C9: variants seen among roughly 807,000 people sequenced by gnomAD.
C9 encodes complement component C9.
Under a neutral mutation model 65.4 loss-of-function variants are expected in C9, and 63 were observed. The ratio of observed to expected loss-of-function variants is 0.96; its 90% CI spans 0.79 to 1.19. The LOEUF is 1.19. C9 is among the 50% of genes most tolerant of loss of function. The pLI is 0.00. For missense variants in C9, 744 were observed against 670.1 expected (o/e 1.11, Z -1.22); for synonymous variants, 229 against 227.9 (o/e 1.00, Z -0.04).
intron 9 of C9, among the ~76,000 whole-genome samples, chr5:39,303,879 G>T (rs965147847): frequency 1.3e-5 from 2 of 152,102 alleles, no homozygotes; most frequent in Non-Finnish European, 2.9e-5. Context: ...AGTTTGCCTT[G>T]TGTTGAGACG....
rs1752966512 is a variant in C9 at position 39,285,066 on chromosome 5, GA to G, written c.*132del. 16 of 766,708 alleles carry G rather than the reference GA, an allele frequency of 2.1e-5. No homozygotes were observed. The highest frequency in any genetic ancestry group is 3.5e-5 in the Non-Finnish European group (15 of 430,728). 47.5% of individuals were successfully genotyped at this position (766,708 alleles called of 1,614,324 possible). ...AAAAAATTATAGACCTAAGAGAGAA[GA>G]GACTTCAGAGGTTGGTAGGATTTTC... is the stretch of plus-strand genomic sequence containing the variant. On this transcript the variant is annotated 3_prime_UTR_variant, in exon 11 of 11. Transcript: ENST00000263408.
intron 5 of C9, 109 bp downstream of exon 5, chr5:39,331,567 A>C: frequency 1.1e-6 from 1 of 931,792 alleles, no homozygotes; most frequent in African/African-American, 1.6e-5. Context: ...TCTTGTGTTC[A>C]TGTGAAATTA....
At position 39,308,225 on chromosome 5, in the gene C9, C is replaced by T. The variant is rs771063043; in HGVS notation, c.1240+5G>A. 2 of 1,612,898 alleles carry T rather than the reference C, an allele frequency of 1.2e-6. No homozygotes were observed. Among genetic ancestry groups the T allele is most frequent in the African/African-American group, 1.3e-5 (1 of 74,886 alleles). On this transcript the variant is annotated splice_donor_5th_base_variant and intron_variant, in intron 8 of 10. Transcript: ENST00000263408. ...ATAAAATCTAACAAGTGAGGCCACACTTACCAGCTCTACCCTCTCCCCTCT... is the reference window on the plus strand; with the variant it reads ...ATAAAATCTAACAAGTGAGGCCACATTTACCAGCTCTACCCTCTCCCCTCT...
chr5:39,363,627 C>T lies in C9; in HGVS notation c.77+761G>A, dbSNP rs149245161. On this transcript the variant is annotated intron_variant, in intron 1 of 10. Transcript: ENST00000263408. Reference sequence around the variant, plus strand: ...TCATCCTGTATTGAATTATACAGGTCGATGTCTACTCTGATGACTCCAGGA... The same window carrying T: ...TCATCCTGTATTGAATTATACAGGTTGATGTCTACTCTGATGACTCCAGGA... Among the ~76,000 whole-genome samples, 411 of 152,198 alleles carry T rather than the reference C, an allele frequency of 2.7e-3. 3 individuals carry two copies. Among genetic ancestry groups the T allele is most frequent in the African/African-American group, 9.7e-3 (401 of 41,508 alleles).
intron 9 of C9, among the ~76,000 whole-genome samples, chr5:39,291,863 A>T (rs1391081124): frequency 4.6e-5 from 7 of 151,842 alleles, no homozygotes; most frequent in Non-Finnish European, 8.8e-5. Context: ...ACTTGATAAA[A>T]GGGTGGTAGA....
chr5:39,333,331 G>A (rs1753879044), intron 4 of C9, among the ~76,000 whole-genome samples: 1 of 152,136 alleles, frequency 6.6e-6, no homozygotes, highest in African/African-American at 2.4e-5. Flanking sequence ...GTAGTTGAGA[G>A]TGACAGTGGG....
intron 5 of C9, among the ~76,000 whole-genome samples, chr5:39,318,655 T>C (rs1248533746): frequency 6.6e-6 from 1 of 152,108 alleles, no homozygotes; most frequent in Non-Finnish European, 1.5e-5. Context: ...ATCTTCTGAA[T>C]TAGGTATAAC....
chr5:39,328,337 G>A (rs1411834934), intron 5 of C9, among the ~76,000 whole-genome samples: 1 of 152,208 alleles, frequency 6.6e-6, no homozygotes, highest in Non-Finnish European at 1.5e-5. Flanking sequence ...AGGCTTGAGG[G>A]TGTTGCTGAA....
chr5:39,348,454 A>G (rs1754251051), intron 1 of C9, among the ~76,000 whole-genome samples: 1 of 152,230 alleles, frequency 6.6e-6, no homozygotes, highest in South Asian at 2.1e-4. Context: ...AGAAACGCAA[A>G]TCAAAACCAC....
intron 7 of C9, among the ~76,000 whole-genome samples, chr5:39,308,850 G>T (rs1017982708): frequency 2.0e-5 from 3 of 152,164 alleles, no homozygotes; most frequent in African/African-American, 7.2e-5. Flanking sequence ...TACTCAGCTA[G>T]TAAGTTTGGA....
chr5:39,295,866 G>A (rs376435174), intron 9 of C9, among the ~76,000 whole-genome samples: 6 of 151,324 alleles, frequency 4.0e-5, no homozygotes, highest in African/African-American at 9.7e-5. Flanking sequence ...ACAGAGAACC[G>A]GAAATTAATA....
At chr5:39,350,232 G>A (rs578032006) in intron 1 of C9, among the ~76,000 whole-genome samples, 4 of 152,240 alleles carry the variant, frequency 2.6e-5, no homozygotes, top group South Asian at 2.1e-4. Flanking sequence ...ACTCCATCAT[G>A]AGAACAGCAA....
At position 39,284,286 on chromosome 5, in the gene C9, TAA is replaced by T. The variant is rs1261657831; in HGVS notation, c.*911_*912del. On this transcript the variant is annotated 3_prime_UTR_variant, in exon 11 of 11. Transcript: ENST00000263408. ...CTTTTCTTTCTTTCTTTCCTTTTTT[TAA>T]AGAGTTCTCAGACCTTTCAAAAGGT... 3 of 152,158 alleles carry T rather than the reference TAA, an allele frequency of 2.0e-5. No homozygotes were observed. Among genetic ancestry groups the T allele is most frequent in the African/African-American group, 2.4e-5 (1 of 41,440 alleles). The allele number at this position is 152,158 out of a possible 1,614,324, so 9.4% of individuals were successfully genotyped here.
intron 2 of C9, 34 bp downstream of exon 2, chr5:39,342,057 G>T (rs1477236273): frequency 2.6e-6 from 3 of 1,150,330 alleles, no homozygotes; most frequent in South Asian, 1.2e-5. Context: ...TTTCCATTTG[G>T]GGAGGTCAGT....
rs1752946965 is a variant in C9, at chr5:39,284,168, TA to T, written c.*1030del. On this transcript the variant is annotated 3_prime_UTR_variant, in exon 11 of 11. Coordinates refer to ENST00000263408, the MANE Select transcript of C9 (RefSeq NM_001737.5). ...ATTTATAAATGTGTGAAATGTTTAT[TA>T]ATAGTAACAATAAAGTTAACATGAT... is the stretch of plus-strand genomic sequence containing the variant. The T allele has an allele frequency of 6.6e-6, 1 of 152,222 alleles. No individual in the cohort carries two copies. The highest frequency in any genetic ancestry group is 2.4e-5 in the African/African-American group (1 of 41,468). 9.4% of individuals were successfully genotyped at this position (152,222 alleles called of 1,614,324 possible).
chr5:39,336,210 T>A (rs1194265412), intron 4 of C9, among the ~76,000 whole-genome samples: 1 of 152,102 alleles, frequency 6.6e-6, no homozygotes, highest in Non-Finnish European at 1.5e-5. Flanking sequence ...TTTTTATTTA[T>A]TTTTTTAATA....
intron 4 of C9, among the ~76,000 whole-genome samples, chr5:39,336,780 T>C (rs573904865): frequency 5.3e-5 from 8 of 152,308 alleles, no homozygotes; most frequent in African/African-American, 1.9e-4. Context: ...TATAACAATG[T>C]CACACAATTT....
chr5:39,351,115 A>G (rs1161996374), intron 1 of C9, among the ~76,000 whole-genome samples: 1 of 152,122 alleles, frequency 6.6e-6, no homozygotes, highest in Non-Finnish European at 1.5e-5. Context: ...TTGGGTTTGT[A>G]CCCTCTGAAG....
At chr5:39,304,055 A>G (rs900370588) in intron 9 of C9, among the ~76,000 whole-genome samples, 1 of 152,148 alleles carries the variant, frequency 6.6e-6, no homozygotes, top group African/African-American at 2.4e-5. Flanking sequence ...GAAGTGTTTC[A>G]GTTTTTATTT....
Sources: allele counts gnomAD v4.1 joint callset (sites outside exome capture counted in the v4.1 genomes callset), GRCh38; gene constraint gnomAD v4.1.1; transcripts MANE v1.5; gene names NCBI Gene and HGNC (gene_info 2026-07-23, HGNC 2026-07-21).